SRP54: variants seen among roughly 807,000 people sequenced by gnomAD.
SRP54 encodes the protein signal recognition particle 54, also known as signal recognition particle subunit SRP54.
Under a neutral mutation model 64.8 loss-of-function variants are expected in SRP54, and 10 were observed. The ratio of observed to expected loss-of-function variants is 0.15; its 90% CI spans 0.10 to 0.26. The LOEUF is 0.26. Ranked by LOEUF, SRP54 falls within the 10% of genes least tolerant of loss-of-function variation. SRP54 has a pLI of 1.00. For missense variants in SRP54, 325 were observed against 613.7 expected (o/e 0.53, Z 4.97); for synonymous variants, 193 against 185.6 (o/e 1.04, Z -0.32).
chr14:35,024,704 C>A (rs1482711974), intron 14 of SRP54, among the ~76,000 whole-genome samples: 1 of 151,194 alleles, frequency 6.6e-6, no homozygotes. Flanking sequence ...TTAACCTTCT[C>A]CATGTTGATA....
intron 7 of SRP54, among the ~76,000 whole-genome samples, chr14:35,011,011 C>T (rs1362440398): frequency 6.6e-6 from 1 of 152,034 alleles, no homozygotes; most frequent in African/African-American, 2.4e-5. Context: ...ACTGCAGTGT[C>T]GAACTCATGG....
chr14:35,019,368 G>T, intron 13 of SRP54: 1 of 207,370 alleles, frequency 4.8e-6, no homozygotes, highest in Non-Finnish European at 9.8e-6. Context: ...AGTCAAATGT[G>T]GTGGAATGCT....
intron 2 of SRP54, among the ~76,000 whole-genome samples, chr14:34,999,314 CTA>C (rs1488938671): frequency 6.6e-6 from 1 of 151,898 alleles, no homozygotes; most frequent in African/African-American, 2.4e-5. Context: ...CATGCCGGGC[CTA>C]TAATTACTTT....
At chr14:35,023,554 C>T (rs930936898) in intron 14 of SRP54, among the ~76,000 whole-genome samples, 5 of 152,044 alleles carry the variant, frequency 3.3e-5, no homozygotes, top group East Asian at 3.9e-4. Context: ...GAGGCTGAGG[C>T]GGGCGGATCA....
chr14:35,028,288 T>G (rs2044667423), intron 15 of SRP54, 105 bp downstream of exon 15: 1 of 680,942 alleles, frequency 1.5e-6, no homozygotes, highest in Non-Finnish European at 2.4e-6. Flanking sequence ...GTTCAAAAGG[T>G]GTGTGATTTC....
chr14:34,991,104 CTTTTCTTTT>C, intron 1 of SRP54, among the ~76,000 whole-genome samples: 1 of 107,024 alleles, frequency 9.3e-6, no homozygotes, highest in African/African-American at 3.2e-5. Context: ...GGTTAAATTT[CTTTTCTTTT>C]TTTTTTTTTT....
chr14:34,999,787 A>T, intron 3 of SRP54, 138 bp downstream of exon 3: 1 of 587,778 alleles, frequency 1.7e-6, no homozygotes, highest in South Asian at 2.2e-5. Context: ...TGGAGCTCAT[A>T]TGTTGGGCGA....
At chr14:34,999,033 G>GA (rs2044129573) in intron 2 of SRP54, among the ~76,000 whole-genome samples, 1 of 17,190 alleles carries the variant, frequency 5.8e-5, no homozygotes. Flanking sequence ...TTTTTTTTTT[G>GA]AGACAAAGTC....
intron 5 of SRP54, among the ~76,000 whole-genome samples, chr14:35,007,635 TA>T (rs1472854266): frequency 1.8e-5 from 2 of 113,388 alleles, no homozygotes; most frequent in African/African-American, 2.8e-5. Context: ...AAAATATATT[TA>T]TATTATAATA....
At chr14:35,001,141 A>G in intron 4 of SRP54, 121 bp downstream of exon 4, 1 of 358,878 alleles carries the variant, frequency 2.8e-6, no homozygotes, top group East Asian at 4.6e-5. Context: ...GTATTAAAAT[A>G]TTAATGAAAG....
At chr14:35,009,060 G>A (rs2044313268) in intron 7 of SRP54, among the ~76,000 whole-genome samples, 1 of 151,648 alleles carries the variant, frequency 6.6e-6, no homozygotes, top group Non-Finnish European at 1.5e-5. Context: ...CTAAATTTTT[G>A]TATTTTTAGT....
chr14:35,023,115 G>A lies in SRP54; in HGVS notation c.1327+35G>A, dbSNP rs868316287. 7.8e-6 allele frequency: 11 copies of A among 1,407,440 alleles called. No homozygotes were observed. The Admixed American group carries it at 1.2e-4, about 16-fold the overall frequency. The allele number at this position is 1,407,440 out of a possible 1,614,324, so 87.2% of individuals were successfully genotyped here. The stretch of plus-strand genomic sequence containing the variant: ...ATAAGCTTGTTATTAGTTAACAGAC[G>A]GAAAAGAAAGGAAGTTGAGAAAAAA... On this transcript the variant is annotated intron_variant, in intron 14 of 15. Transcript: ENST00000216774.
chr14:34,992,290 A>G (rs1441401869), intron 1 of SRP54, among the ~76,000 whole-genome samples: 2 of 151,950 alleles, frequency 1.3e-5, no homozygotes, highest in South Asian at 2.1e-4. Flanking sequence ...ATAATAAAAT[A>G]TATTTTTTAA....
intron 4 of SRP54, 34 bp from the exon 5 acceptor site, chr14:35,007,249 C>A: frequency 2.1e-6 from 3 of 1,459,596 alleles, no homozygotes; most frequent in Non-Finnish European, 1.9e-6. Flanking sequence ...GTATGTTAAC[C>A]TGATTTTATT....
At chr14:35,010,534 A>G (rs1270151265) in intron 7 of SRP54, among the ~76,000 whole-genome samples, 1 of 152,182 alleles carries the variant, frequency 6.6e-6, no homozygotes, top group Non-Finnish European at 1.5e-5. Flanking sequence ...TGGGAGGCCA[A>G]GGCGGGCATA....
intron 4 of SRP54, among the ~76,000 whole-genome samples, chr14:35,003,798 A>G (rs2138989625): frequency 6.6e-6 from 1 of 150,636 alleles, no homozygotes; most frequent in African/African-American, 2.4e-5. Flanking sequence ...GCTGGGAACG[A>G]TGGCTTACAC....
chr14:34,994,578 A>G (rs1225023217), intron 1 of SRP54, among the ~76,000 whole-genome samples: 1 of 152,186 alleles, frequency 6.6e-6, no homozygotes, highest in Non-Finnish European at 1.5e-5. Flanking sequence ...TCAGTGATCC[A>G]TAAGTACAGT....
chr14:35,000,018 A>G lies in SRP54; in HGVS notation c.170+369A>G, dbSNP rs970553075. 2.0e-5 allele frequency among the ~76,000 whole-genome samples: 3 copies of G among 152,212 alleles called. No individual in the cohort carries two copies. The South Asian group carries it at 6.2e-4, about 31-fold the overall frequency. On this transcript the variant is annotated intron_variant, in intron 3 of 15. Transcript: ENST00000216774. ...TTTAGGCTTAAGATGATCTTAATCA[A>G]CCTTCATTATTGGAGGACTGTATTC...
Sources: gnomAD v4.1 joint callset for allele counts (sites outside exome capture counted in the v4.1 genomes callset) on GRCh38, gnomAD v4.1.1 for gene constraint, MANE v1.5 for transcripts, NCBI Gene and HGNC (gene_info 2026-07-23, HGNC 2026-07-21) for gene names.